FMN1: variants seen among roughly 807,000 people sequenced by gnomAD.
The protein encoded by FMN1 is formin-1.
In FMN1, 110 loss-of-function variants were observed where a neutral mutation model predicts 132.4. That is an observed-to-expected ratio of 0.83 (90% confidence interval 0.71 to 0.97). FMN1 has a LOEUF of 0.97. Among genes scored for constraint, FMN1 ranks in the 50% least tolerant of loss-of-function variants. The probability of loss-of-function intolerance (pLI) is 0.00; values close to 1 mark genes in which losing one functional copy is unlikely to be tolerated. For missense variants in FMN1, 1,792 were observed against 1,705.3 expected (o/e 1.05, Z -0.90); for synonymous variants, 722 against 651.7 (o/e 1.11, Z -1.64).
intron 17 of FMN1, among the ~76,000 whole-genome samples, chr15:32,820,327 T>C (rs2058176563): frequency 6.6e-6 from 1 of 152,208 alleles, no homozygotes; most frequent in African/African-American, 2.4e-5. Context: ...GGCCACTTTT[T>C]CTTTTAACTG....
intron 17 of FMN1, among the ~76,000 whole-genome samples, chr15:32,847,788 G>A (rs919416343): frequency 1.3e-5 from 2 of 152,168 alleles, no homozygotes; most frequent in African/African-American, 4.8e-5. Context: ...CTGGGAGGCG[G>A]AGCGTGCAGT....
intron 6 of FMN1, among the ~76,000 whole-genome samples, chr15:33,018,158 T>C (rs1393019684): frequency 2.6e-5 from 4 of 152,136 alleles, no homozygotes; most frequent in Non-Finnish European, 5.9e-5. Flanking sequence ...GATCAGGTCA[T>C]GAAGGCAGAG....
chr15:33,112,381 G>A (rs1183023430), intron 4 of FMN1, among the ~76,000 whole-genome samples: 4 of 152,122 alleles, frequency 2.6e-5, no homozygotes, highest in East Asian at 1.9e-4. Flanking sequence ...TTGGATTATA[G>A]AAGATTTTGT....
At chr15:32,882,933 A>G (rs959960909) in intron 16 of FMN1, among the ~76,000 whole-genome samples, 11 of 152,374 alleles carry the variant, frequency 7.2e-5, no homozygotes, top group African/African-American at 2.6e-4. Flanking sequence ...GGACAGATAC[A>G]TTGATTCCTG....
chr15:33,094,141 G>A (rs112012950), intron 4 of FMN1, among the ~76,000 whole-genome samples: 33 of 152,318 alleles, frequency 2.2e-4, no homozygotes, highest in Admixed American at 7.8e-4. Context: ...GCTTTAACAT[G>A]TGGGCTAAAT....
intron 17 of FMN1, among the ~76,000 whole-genome samples, chr15:32,831,061 A>G (rs2058488943): frequency 6.6e-6 from 1 of 152,146 alleles, no homozygotes; most frequent in Non-Finnish European, 1.5e-5. Context: ...TCCTCCTTTA[A>G]GTCACATAGA....
At chr15:33,172,484 T>A (rs970973038) in intron 3 of FMN1, among the ~76,000 whole-genome samples, 3 of 152,152 alleles carry the variant, frequency 2.0e-5, no homozygotes, top group Non-Finnish European at 4.4e-5. Context: ...GAGTGATGGG[T>A]ACAGCCATCT....
intron 8 of FMN1, 23 bp downstream of exon 8, chr15:32,968,691 G>T: frequency 1.2e-6 from 2 of 1,611,728 alleles, no homozygotes; most frequent in South Asian, 2.2e-5. Context: ...CACATGCTGA[G>T]AATGGGATAG....
chr15:33,184,492 T>C (rs1041277637), intron 2 of FMN1, among the ~76,000 whole-genome samples: 1 of 142,322 alleles, frequency 7.0e-6, no homozygotes, highest in Non-Finnish European at 1.5e-5. Context: ...AATTTAGATC[T>C]TTTTTTTTTC....
intron 5 of FMN1, among the ~76,000 whole-genome samples, chr15:33,081,471 G>C (rs1266413724): frequency 6.6e-6 from 1 of 152,246 alleles, no homozygotes. Context: ...GAGGAATCTA[G>C]TGTCCCATAT....
chr15:33,164,119 A>C (rs559608005), intron 3 of FMN1, among the ~76,000 whole-genome samples: 76 of 152,302 alleles, frequency 5.0e-4, no homozygotes, highest in Non-Finnish European at 7.1e-4. Flanking sequence ...TTTCCTACTC[A>C]AAGACTAAGG....
intron 4 of FMN1, among the ~76,000 whole-genome samples, chr15:33,140,618 A>C (rs2468747): frequency 0.83 from 127,065 of 152,204 alleles, 54,290 homozygotes; most frequent in South Asian, 0.94. Flanking sequence ...ACAACAATGT[A>C]AAGTGCTTTA....
chr15:33,047,133 G>T (rs947307685), intron 6 of FMN1, among the ~76,000 whole-genome samples: 3 of 152,194 alleles, frequency 2.0e-5, no homozygotes, highest in Non-Finnish European at 4.4e-5. Flanking sequence ...CTTAGGAAAT[G>T]AGTACTTTCT....
chr15:32,866,474 A>G (rs566332276), intron 16 of FMN1, among the ~76,000 whole-genome samples: 37 of 152,332 alleles, frequency 2.4e-4, no homozygotes, highest in African/African-American at 8.9e-4. Context: ...AAACAGTAGA[A>G]AGGCTGGCTA....
At chr15:33,040,906 A>G (rs1596532441) in intron 6 of FMN1, among the ~76,000 whole-genome samples, 3 of 152,232 alleles carry the variant, frequency 2.0e-5, no homozygotes, top group South Asian at 4.1e-4. Flanking sequence ...GTGCTCTACT[A>G]CAGAGTCACT....
chr15:32,810,935 C>G (rs1237638727), intron 17 of FMN1: 1 of 455,506 alleles, frequency 2.2e-6, no homozygotes, highest in Non-Finnish European at 4.4e-6. Flanking sequence ...AATATGGGAG[C>G]CGGGTGATGC....
At chr15:33,128,483 C>A (rs7167051) in intron 4 of FMN1, among the ~76,000 whole-genome samples, 1 of 152,168 alleles carries the variant, frequency 6.6e-6, no homozygotes, top group African/African-American at 2.4e-5. Context: ...TATAAAAAGC[C>A]TCATGCAAGT....
intron 13 of FMN1, among the ~76,000 whole-genome samples, chr15:32,900,455 T>C (rs961660859): frequency 7.2e-5 from 11 of 152,254 alleles, no homozygotes; most frequent in African/African-American, 2.7e-4. Flanking sequence ...GGAGTTGGTA[T>C]ATATAGTAAG....
At chr15:32,908,666 G>T in intron 11 of FMN1, 88 bp from the exon 12 acceptor site, 1 of 774,764 alleles carries the variant, frequency 1.3e-6, no homozygotes, top group Non-Finnish European at 2.1e-6. Flanking sequence ...TCAAAGTCTC[G>T]AAGTGTGGTT....
Sources: allele counts gnomAD v4.1 joint callset (sites outside exome capture counted in the v4.1 genomes callset), GRCh38; gene constraint gnomAD v4.1.1; transcripts MANE v1.5; gene names NCBI Gene and HGNC (gene_info 2026-07-23, HGNC 2026-07-21).